The following CNTN4 variants were observed in gnomAD, a reference collection of about 807,000 sequenced individuals.
CNTN4 encodes contactin 4.
In CNTN4, 77 loss-of-function variants were observed where a neutral mutation model predicts 122.5. The ratio of observed to expected loss-of-function variants is 0.63; its 90% CI spans 0.52 to 0.76. CNTN4 has a LOEUF of 0.76. Among genes scored for constraint, CNTN4 ranks in the 30% least tolerant of loss-of-function variants. The pLI, the probability that CNTN4 is intolerant of heterozygous loss-of-function variation, is 0.00. For synonymous variants in CNTN4, 512 were observed against 447.0 expected (o/e 1.15, Z -1.83); for missense variants, 1,256 against 1,259.1 (o/e 1.00, Z 0.04).
rs181357723 is a variant in CNTN4, at chr3:2,719,259, T to C, written c.56-16956T>C. On this transcript the variant is annotated intron_variant, in intron 4 of 24. Transcript: ENST00000418658. ...ATTTCTCCATAGAGTGACCTAACAT[T>C]AGAACATTAGAAACAAGGTTCATAA... Among the ~76,000 whole-genome samples the C allele has an allele frequency of 1.0e-3, 151 of 146,912 alleles. 2 individuals carry two copies. The highest frequency in any genetic ancestry group is 3.1e-3 in the Admixed American group (45 of 14,748).
At chr3:2,922,338 C>G (rs1419506682) in intron 12 of CNTN4, among the ~76,000 whole-genome samples, 1 of 152,108 alleles carries the variant, frequency 6.6e-6, no homozygotes, top group Non-Finnish European at 1.5e-5. Context: ...CAAACCTCCC[C>G]TAGGTCAGTG....
At chr3:2,702,087 C>T (rs2086389307) in intron 4 of CNTN4, among the ~76,000 whole-genome samples, 1 of 151,934 alleles carries the variant, frequency 6.6e-6, no homozygotes, top group Admixed American at 6.6e-5. Flanking sequence ...GGGCTCTAAG[C>T]TTTGTTGTTT....
At chr3:2,967,192 T>G (rs1440301844) in intron 13 of CNTN4, among the ~76,000 whole-genome samples, 1 of 152,032 alleles carries the variant, frequency 6.6e-6, no homozygotes, top group African/African-American at 2.4e-5. Flanking sequence ...GATGAACACA[T>G]AGGAAGTCGT....
At chr3:2,306,887 A>C (rs1349291127) in intron 2 of CNTN4, among the ~76,000 whole-genome samples, 1 of 137,038 alleles carries the variant, frequency 7.3e-6, no homozygotes, top group African/African-American at 3.1e-5. Flanking sequence ...TGATATTTTA[A>C]ATGAAATTTT....
chr3:2,998,712 G>T (rs559497070), intron 14 of CNTN4, among the ~76,000 whole-genome samples: 1 of 152,114 alleles, frequency 6.6e-6, no homozygotes, highest in Non-Finnish European at 1.5e-5. Flanking sequence ...GTACATGAAG[G>T]CTCCTAGCAT....
intron 2 of CNTN4, among the ~76,000 whole-genome samples, chr3:2,193,008 C>G (rs565884837): frequency 6.6e-6 from 1 of 152,124 alleles, no homozygotes; most frequent in Non-Finnish European, 1.5e-5. Context: ...TGCCCTCTCT[C>G]TGATTTCCTT....
intron 3 of CNTN4, among the ~76,000 whole-genome samples, chr3:2,430,753 C>G (rs1237415521): frequency 6.6e-6 from 1 of 151,810 alleles, no homozygotes; most frequent in African/African-American, 2.4e-5. Flanking sequence ...CTAAGTATAC[C>G]TATATTATTC....
intron 7 of CNTN4, among the ~76,000 whole-genome samples, chr3:2,848,598 T>C (rs2093495266): frequency 6.6e-6 from 1 of 152,220 alleles, no homozygotes; most frequent in South Asian, 2.1e-4. Context: ...TTTTTTGGCA[T>C]AAAAGTCCTA....
intron 2 of CNTN4, among the ~76,000 whole-genome samples, chr3:2,158,574 A>G (rs2035824877): frequency 6.6e-6 from 1 of 152,204 alleles, no homozygotes; most frequent in African/African-American, 2.4e-5. Context: ...GACTAAATGG[A>G]GTGAATCCTC....
intron 3 of CNTN4, among the ~76,000 whole-genome samples, chr3:2,533,102 C>G (rs1036099255): frequency 6.7e-6 from 1 of 150,100 alleles, no homozygotes; most frequent in Non-Finnish European, 1.5e-5. Flanking sequence ...GCTACTTTCT[C>G]GGAAAATGTA....
intron 3 of CNTN4, among the ~76,000 whole-genome samples, chr3:2,394,771 A>C (rs948632861): frequency 8.6e-5 from 13 of 150,430 alleles, no homozygotes; most frequent in Non-Finnish European, 7.4e-5. Context: ...TGTCTACAAC[A>C]AACCTTATAT....
intron 2 of CNTN4, among the ~76,000 whole-genome samples, chr3:2,197,569 C>A (rs1048227870): frequency 6.6e-5 from 10 of 152,072 alleles, no homozygotes; most frequent in Admixed American, 3.9e-4. Flanking sequence ...CTTTGTCAGT[C>A]TTCCATGTTA....
At chr3:2,788,641 C>T (rs183973508) in intron 6 of CNTN4, among the ~76,000 whole-genome samples, 1 of 152,140 alleles carries the variant, frequency 6.6e-6, no homozygotes, top group Non-Finnish European at 1.5e-5. Context: ...CCCATAAAGA[C>T]TCCTATTCTA....
intron 4 of CNTN4, among the ~76,000 whole-genome samples, chr3:2,648,002 T>C (rs1189937526): frequency 6.6e-6 from 1 of 152,240 alleles, no homozygotes; most frequent in Admixed American, 6.5e-5. Flanking sequence ...CAAATTGCTA[T>C]GTTCTGCTGC....
At chr3:2,350,011 G>A (rs183576149) in intron 3 of CNTN4, among the ~76,000 whole-genome samples, 276 of 152,246 alleles carry the variant, frequency 1.8e-3, no homozygotes, top group African/African-American at 6.4e-3. Context: ...CACCCTTGCC[G>A]TTAAGATCTA....
intron 6 of CNTN4, among the ~76,000 whole-genome samples, chr3:2,763,442 C>T (rs966960457): frequency 1.2e-4 from 18 of 152,154 alleles, no homozygotes; most frequent in Admixed American, 1.0e-3. Flanking sequence ...TGTCTCTTTA[C>T]TCTGTTGATA....
chr3:2,206,448 C>T (rs1415662801), intron 2 of CNTN4, among the ~76,000 whole-genome samples: 1 of 151,942 alleles, frequency 6.6e-6, no homozygotes, highest in Non-Finnish European at 1.5e-5. Flanking sequence ...TCAGTGTTCT[C>T]TAAATAATGA....
chr3:2,400,375 T>A (rs1341900802), intron 3 of CNTN4, among the ~76,000 whole-genome samples: 2 of 141,388 alleles, frequency 1.4e-5, no homozygotes, highest in Non-Finnish European at 3.1e-5. Context: ...TATGTGTGTG[T>A]ATATGTGTGT....
At chr3:2,957,102 G>A (rs1224030294) in intron 13 of CNTN4, among the ~76,000 whole-genome samples, 3 of 152,206 alleles carry the variant, frequency 2.0e-5, no homozygotes, top group South Asian at 2.1e-4. Flanking sequence ...GAATATGGGA[G>A]TGCAGATAGC....
Sources: gnomAD v4.1 joint callset for allele counts (sites outside exome capture counted in the v4.1 genomes callset) on GRCh38, gnomAD v4.1.1 for gene constraint, MANE v1.5 for transcripts, NCBI Gene and HGNC (gene_info 2026-07-23, HGNC 2026-07-21) for gene names.